Variants in BDKRB2 observed in about 807,000 individuals in gnomAD.
BDKRB2 encodes B2 bradykinin receptor.
In BDKRB2, 6 loss-of-function variants were observed where a neutral mutation model predicts 4.0. The ratio of observed to expected loss-of-function variants is 1.49; its 90% CI spans 0.81 to 2.93. BDKRB2 has a LOEUF of 2.93. BDKRB2 is among the 30% of genes most tolerant of loss of function. BDKRB2 has a pLI of 0.00. For missense variants in BDKRB2, 478 were observed against 520.1 expected, an observed-to-expected ratio of 0.92 and a Z score of 0.79; for synonymous variants, 225 against 215.3, an observed-to-expected ratio of 1.05 and a Z score of -0.40.
chr14:96,238,140 G>A, intron 2 of BDKRB2: 1 of 964,312 alleles, frequency 1.0e-6, no homozygotes, highest in Non-Finnish European at 1.2e-6. Flanking sequence ...AAGATGTCTG[G>A]GGCCTTGGTT....
At chr14:96,219,322 C>T (rs1232998228) in intron 1 of BDKRB2, among the ~76,000 whole-genome samples, 1 of 152,030 alleles carries the variant, frequency 6.6e-6, no homozygotes, top group African/African-American at 2.4e-5. Context: ...AACCAAAAAC[C>T]CCTTAAGAGA....
At chr14:96,220,736 C>T (rs914207373) in intron 1 of BDKRB2, among the ~76,000 whole-genome samples, 4 of 151,706 alleles carry the variant, frequency 2.6e-5, no homozygotes, top group African/African-American at 7.3e-5. Flanking sequence ...CTTCCTGCTT[C>T]CAGATTTTGC....
chr14:96,222,025 C>T (rs879921079), intron 1 of BDKRB2, among the ~76,000 whole-genome samples: 6 of 152,110 alleles, frequency 3.9e-5, no homozygotes, highest in African/African-American at 9.7e-5. Flanking sequence ...CAGAACCCAT[C>T]GCAAGTCTCA....
chr14:96,221,686 C>A (rs759799028), intron 1 of BDKRB2, among the ~76,000 whole-genome samples: 1 of 152,034 alleles, frequency 6.6e-6, no homozygotes, highest in East Asian at 1.9e-4. Flanking sequence ...TTGTGGGGAA[C>A]CAGAGCGTCC....
intron 1 of BDKRB2, among the ~76,000 whole-genome samples, chr14:96,235,258 G>T (rs1012464906): frequency 6.8e-6 from 1 of 148,022 alleles, no homozygotes; most frequent in African/African-American, 2.5e-5. Context: ...TGAGACAGGA[G>T]AATCGCTTGA....
chr14:96,213,911 G>A (rs1051980269), intron 1 of BDKRB2, among the ~76,000 whole-genome samples: 11 of 152,326 alleles, frequency 7.2e-5, no homozygotes, highest in East Asian at 1.9e-4. Context: ...TCTTCCCATC[G>A]CATCCTGCCT....
chr14:96,237,316 C>T (rs945555544), intron 2 of BDKRB2, 135 bp downstream of exon 2: 2 of 815,998 alleles, frequency 2.5e-6, no homozygotes, highest in East Asian at 2.6e-5. Context: ...AAAGACAAAA[C>T]CTCTCAGGTG....
At chr14:96,230,211 T>C (rs554618406) in intron 1 of BDKRB2, among the ~76,000 whole-genome samples, 1 of 152,342 alleles carries the variant, frequency 6.6e-6, no homozygotes, top group East Asian at 1.9e-4. Flanking sequence ...CAATGCCTTT[T>C]TTGAAGGCGT....
At chr14:96,236,556 G>T (rs759417820) in intron 1 of BDKRB2, among the ~76,000 whole-genome samples, 7 of 152,170 alleles carry the variant, frequency 4.6e-5, no homozygotes, top group Admixed American at 6.5e-5. Context: ...CTGGAATCCA[G>T]TCTCTCAGTC....
intron 2 of BDKRB2, 64 bp from the exon 3 acceptor site, chr14:96,240,339 G>T: frequency 2.1e-6 from 3 of 1,396,726 alleles, no homozygotes; most frequent in Non-Finnish European, 2.8e-6. Context: ...TCTCCTTCTG[G>T]ACCAGTTTTT....
chr14:96,229,706 C>T (rs1338254773), intron 1 of BDKRB2, among the ~76,000 whole-genome samples: 2 of 152,080 alleles, frequency 1.3e-5, no homozygotes, highest in East Asian at 3.9e-4. Flanking sequence ...CAGAATCAGG[C>T]AGGGCACCCG....
In BDKRB2 at chr14:96,240,786, T is replaced by C. The variant is rs769618803; in HGVS notation, c.458T>C (p.Ile153Thr). Reference sequence around the variant, plus strand: ...ATCTGTTTCCTGATGCTGGTGAGCATCGACCGCTACCTGGCCCTGGTGAAA... The same window carrying C: ...ATCTGTTTCCTGATGCTGGTGAGCACCGACCGCTACCTGGCCCTGGTGAAA... ...SSICFLMLVSIDRYLALVKTM... is the reference protein window; with the variant it reads ...SSICFLMLVSTDRYLALVKTM... The change falls in exon 3 of 3, where the codon ATC becomes ACC. Residue 153 changes from isoleucine (I) to threonine (T), a missense_variant. Transcript: ENST00000554311. 1 of 1,557,710 alleles carries C rather than the reference T, an allele frequency of 6.4e-7. No individual in the cohort carries two copies. The highest frequency in any genetic ancestry group is 8.7e-7 in the Non-Finnish European group (1 of 1,153,276).
At chr14:96,225,937 C>A (rs1227611762) in intron 1 of BDKRB2, among the ~76,000 whole-genome samples, 2 of 152,170 alleles carry the variant, frequency 1.3e-5, no homozygotes, top group Non-Finnish European at 2.9e-5. Flanking sequence ...CTGTGCCATC[C>A]CCAGGACACC....
intron 1 of BDKRB2, among the ~76,000 whole-genome samples, chr14:96,217,267 G>A (rs1036186507): frequency 7.2e-5 from 11 of 152,242 alleles, no homozygotes; most frequent in Non-Finnish European, 4.4e-5. Flanking sequence ...TGCAAACACT[G>A]ACACTGCAGT....
At chr14:96,233,570 A>T (rs1890868569) in intron 1 of BDKRB2, 1 of 152,130 alleles carries the variant, frequency 6.6e-6, no homozygotes. Flanking sequence ...GATTCTTTCC[A>T]CTTAAAATAT....
chr14:96,225,897 C>T (rs1038195451), intron 1 of BDKRB2, among the ~76,000 whole-genome samples: 2 of 152,172 alleles, frequency 1.3e-5, no homozygotes, highest in African/African-American at 2.4e-5. Flanking sequence ...AGACCCCGCC[C>T]ACCACCCTCC....
intron 1 of BDKRB2, among the ~76,000 whole-genome samples, chr14:96,223,973 A>G (rs775776997): frequency 6.6e-6 from 1 of 152,144 alleles, no homozygotes; most frequent in Non-Finnish European, 1.5e-5. Context: ...AAGTTGTAAT[A>G]CTTCCTGGAT....
At chr14:96,227,618 AAC>A (rs371297952) in intron 1 of BDKRB2, among the ~76,000 whole-genome samples, 171 of 151,542 alleles carry the variant, frequency 1.1e-3, no homozygotes, top group Non-Finnish European at 1.4e-3. Flanking sequence ...TGCACACACA[AAC>A]ACACACACAT....
intron 1 of BDKRB2, among the ~76,000 whole-genome samples, chr14:96,227,812 G>T (rs528968597): frequency 6.6e-6 from 1 of 152,376 alleles, no homozygotes; most frequent in South Asian, 2.1e-4. Flanking sequence ...TTGCGAGACA[G>T]ATTTCTGGAG....
Sources: gnomAD v4.1 joint callset for allele counts (sites outside exome capture counted in the v4.1 genomes callset) on GRCh38, gnomAD v4.1.1 for gene constraint, MANE v1.5 for transcripts, NCBI Gene and HGNC (gene_info 2026-07-23, HGNC 2026-07-21) for gene names.